The following PTPRD variants were observed in gnomAD, a reference collection of about 807,000 sequenced individuals.
PTPRD encodes the protein protein tyrosine phosphatase receptor type D.
PTPRD carries 34 observed loss-of-function variants against 214.5 expected under a neutral mutation model. The ratio of observed to expected loss-of-function variants is 0.16; its 90% CI spans 0.12 to 0.21. The LOEUF (loss-of-function observed/expected upper bound fraction) is 0.21, where lower values mean the gene tolerates loss of function less well. Among genes scored for constraint, PTPRD ranks in the 10% least tolerant of loss-of-function variants. PTPRD has a pLI of 1.00. For synonymous variants in PTPRD, 1,128 were observed against 845.7 expected (o/e 1.33, Z -5.79); for missense variants, 2,545 against 2,398.7 (o/e 1.06, Z -1.27).
chr9:8,753,949 A>T (rs2093756669), intron 11 of PTPRD, among the ~76,000 whole-genome samples: 1 of 152,118 alleles, frequency 6.6e-6, no homozygotes, highest in African/African-American at 2.4e-5. Flanking sequence ...GTTCAAGACC[A>T]GCCAAGCCAA....
rs551863397 is a variant in PTPRD, at chr9:9,923,256, T to TC, written c.-368+15250_-368+15251insG. 1.1e-3 allele frequency among the ~76,000 whole-genome samples: 161 copies of TC among 150,260 alleles called. 5 individuals carry two copies. The South Asian group carries it at 0.033, about 30-fold the overall frequency. ...TTTACACCCTTTCTGTTAGTTTTTTTTTTCAAATAAAATATTGTAATGAAT... is the reference window on the plus strand; with the variant it reads ...TTTACACCCTTTCTGTTAGTTTTTTTCTTTCAAATAAAATATTGTAATGAAT... On this transcript the variant is annotated intron_variant, in intron 5 of 45. Coordinates refer to ENST00000381196, the MANE Select transcript of PTPRD (RefSeq NM_002839.4).
chr9:8,880,854 G>C (rs902953372), intron 11 of PTPRD, among the ~76,000 whole-genome samples: 3 of 151,950 alleles, frequency 2.0e-5, no homozygotes, highest in African/African-American at 7.3e-5. Context: ...GTGCAATCTT[G>C]GCTCACAGCA....
At chr9:10,281,553 A>T (rs1401159120) in intron 3 of PTPRD, among the ~76,000 whole-genome samples, 3 of 152,136 alleles carry the variant, frequency 2.0e-5, no homozygotes, top group African/African-American at 7.2e-5. Flanking sequence ...AGGCATTTTA[A>T]TTTTTTTACT....
At chr9:9,564,227 A>C (rs2083723028) in intron 8 of PTPRD, among the ~76,000 whole-genome samples, 1 of 152,094 alleles carries the variant, frequency 6.6e-6, no homozygotes, top group Non-Finnish European at 1.5e-5. Context: ...CCTGAGGAGG[A>C]GCTCACAGAT....
At chr9:9,602,742 G>T (rs181986893) in intron 7 of PTPRD, among the ~76,000 whole-genome samples, 27 of 152,066 alleles carry the variant, frequency 1.8e-4, no homozygotes, top group Admixed American at 9.8e-4. Flanking sequence ...CTGGATAAAA[G>T]ATCTTGAAAT....
intron 24 of PTPRD, among the ~76,000 whole-genome samples, chr9:8,500,497 C>A: frequency 7.8e-6 from 1 of 127,628 alleles, no homozygotes; most frequent in African/African-American, 3.0e-5. Context: ...GACTGCAAGA[C>A]CATAGGAGCC....
intron 5 of PTPRD, among the ~76,000 whole-genome samples, chr9:9,829,307 A>G (rs946555151): frequency 2.6e-5 from 4 of 151,816 alleles, no homozygotes; most frequent in Admixed American, 6.6e-5. Flanking sequence ...GATTTCTACT[A>G]ATCTATAAGA....
intron 11 of PTPRD, among the ~76,000 whole-genome samples, chr9:8,900,730 T>C (rs1446024604): frequency 6.6e-6 from 1 of 152,154 alleles, no homozygotes. Context: ...TTGTTTGTAG[T>C]GAATAAACCA....
At chr9:10,225,979 A>G (rs2099587605) in intron 3 of PTPRD, among the ~76,000 whole-genome samples, 1 of 152,062 alleles carries the variant, frequency 6.6e-6, no homozygotes, top group South Asian at 2.1e-4. Context: ...TGTCCAGTAC[A>G]TGTATCTTAT....
chr9:9,514,081 T>A (rs2096776888), intron 8 of PTPRD, among the ~76,000 whole-genome samples: 1 of 152,046 alleles, frequency 6.6e-6, no homozygotes, highest in African/African-American at 2.4e-5. Flanking sequence ...AAGTCCCTTG[T>A]TTTTGTGCTT....
chr9:10,078,551 C>T (rs1412061613), intron 3 of PTPRD, among the ~76,000 whole-genome samples: 4 of 150,074 alleles, frequency 2.7e-5, no homozygotes, highest in Non-Finnish European at 5.9e-5. Context: ...AAGAACCCAC[C>T]CATATAATCC....
chr9:9,724,824 T>C (rs983149750), intron 7 of PTPRD, among the ~76,000 whole-genome samples: 2 of 152,142 alleles, frequency 1.3e-5, no homozygotes, highest in African/African-American at 4.8e-5. Flanking sequence ...CCCAAGTTCA[T>C]GCAGGTAACA....
chr9:10,582,490 T>C (rs553757192), intron 2 of PTPRD, among the ~76,000 whole-genome samples: 2 of 152,182 alleles, frequency 1.3e-5, no homozygotes, highest in Non-Finnish European at 2.9e-5. Flanking sequence ...TTATCCATAT[T>C]ATAAAACTAT....
chr9:9,991,259 G>C lies in PTPRD; in HGVS notation c.-472+42459C>G, dbSNP rs2095907091. Among the ~76,000 whole-genome samples the C allele has an allele frequency of 2.6e-5, 4 of 151,754 alleles. No individual in the cohort carries two copies. The South Asian group carries it at 8.3e-4, about 32-fold the overall frequency. The stretch of plus-strand genomic sequence containing the variant: ...GAGTAAAATATTCTCATAAACTTGG[G>C]GATTGGAAAAATTTCTTATACAGAA... On this transcript the variant is annotated intron_variant, in intron 4 of 45. Transcript: ENST00000381196.
intron 12 of PTPRD, among the ~76,000 whole-genome samples, chr9:8,731,503 G>C (rs2098658642): frequency 6.6e-6 from 1 of 152,190 alleles, no homozygotes; most frequent in Admixed American, 6.5e-5. Context: ...ATATATGATA[G>C]TGAATAAATC....
At chr9:10,349,384 G>A (rs1159532754) in intron 2 of PTPRD, among the ~76,000 whole-genome samples, 1 of 152,044 alleles carries the variant, frequency 6.6e-6, no homozygotes, top group Non-Finnish European at 1.5e-5. Context: ...ATATTTTCTA[G>A]CTGTAATTAC....
intron 11 of PTPRD, among the ~76,000 whole-genome samples, chr9:8,804,828 G>A (rs1019910592): frequency 2.0e-5 from 3 of 152,152 alleles, no homozygotes; most frequent in African/African-American, 7.2e-5. Context: ...AAGTCCAGGA[G>A]AGAAGACAGA....
At chr9:10,125,388 T>G (rs2098808442) in intron 3 of PTPRD, among the ~76,000 whole-genome samples, 1 of 148,516 alleles carries the variant, frequency 6.7e-6, no homozygotes, top group Admixed American at 6.7e-5. Context: ...TTTTATCTTC[T>G]TTTTTATTTT....
intron 9 of PTPRD, among the ~76,000 whole-genome samples, chr9:9,183,760 TTAAA>T (rs1361672193): frequency 1.3e-5 from 2 of 152,052 alleles, no homozygotes; most frequent in Non-Finnish European, 2.9e-5. Context: ...CCTTTGGCCT[TTAAA>T]TAAATAATGC....
Sources: allele counts gnomAD v4.1 joint callset (sites outside exome capture counted in the v4.1 genomes callset), GRCh38; gene constraint gnomAD v4.1.1; transcripts MANE v1.5; gene names NCBI Gene and HGNC (gene_info 2026-07-23, HGNC 2026-07-21).